REELD1: variants seen among roughly 807,000 people sequenced by gnomAD.
REELD1 encodes the protein reelin domain-containing protein 1.
A neutral mutation model predicts 6.3 loss-of-function variants in REELD1; 12 were observed. The ratio of observed to expected loss-of-function variants is 1.89; its 90% CI spans 1.21 to 3.07. REELD1 has a LOEUF of 3.07. Ranked by LOEUF, REELD1 falls within the 30% of genes most tolerant of loss-of-function variation. The pLI is 0.00. For synonymous variants in REELD1, 57 were observed against 33.6 expected, an observed-to-expected ratio of 1.70 and a Z score of -2.42; for missense variants, 163 against 86.8, an observed-to-expected ratio of 1.88 and a Z score of -3.49.
chr4:146,226,242 A>G (rs538710938), intron 5 of REELD1, among the ~76,000 whole-genome samples: 1 of 152,272 alleles, frequency 6.6e-6, no homozygotes, highest in Admixed American at 6.5e-5. Flanking sequence ...GTCTACTTTT[A>G]TATTTTAGTG....
intron 3 of REELD1, among the ~76,000 whole-genome samples, chr4:146,221,936 G>T (rs961791762): frequency 1.3e-5 from 2 of 151,654 alleles, no homozygotes; most frequent in Non-Finnish European, 2.9e-5. Context: ...ATCTTTTTAT[G>T]AATTCACCAT....
chr4:146,228,529 G>T lies in REELD1; in HGVS notation c.908+7G>T, dbSNP rs557103441. ...GCCTTAGCACCCATCACAGGTAAGG[G>T]TGATGGGTGGGCCATTCAGGACAGG... On this transcript the variant is annotated splice_region_variant and intron_variant, in intron 6 of 7. Coordinates refer to ENST00000623665, the MANE Select transcript of REELD1 (RefSeq NM_001354631.1). 3.0e-5 allele frequency: 21 copies of T among 698,906 alleles called. No homozygotes were observed. The highest frequency in any genetic ancestry group is 5.5e-5 in the Non-Finnish European group (21 of 383,042). The allele number at this position is 698,906 out of a possible 1,614,324, so 43.3% of individuals were successfully genotyped here.
chr4:146,222,420 A>G lies in REELD1; in HGVS notation c.272A>G (p.His91Arg), dbSNP rs1864372. The G allele has an allele frequency of 0.1, 40,258 of 398,528 alleles. 2,623 individuals are homozygous for G. The highest frequency in any genetic ancestry group is 0.21 in the African/African-American group (10,160 of 48,700). 24.7% of individuals were successfully genotyped at this position (398,528 alleles called of 1,614,324 possible). Residue 91 changes from histidine to arginine, a missense_variant, in exon 4 of 8, where the codon CAT becomes CGT. Physicochemically the swap from His to Arg is conservative, Grantham distance 29. Coordinates refer to ENST00000623665, the MANE Select transcript of REELD1 (RefSeq NM_001354631.1). ...FLLQARRVSD[H>R]QIAGTFVLIP... ...CTTCAGGCTCGAAGAGTGTCCGATC[A>G]TCAAATCGCTGGCACTTTCGTTCTC...
rs150899575 is a variant in REELD1 at position 146,224,506 on chromosome 4, C to T, written c.493C>T (p.Gln165Ter). Residue 165 changes from glutamine (Q) to a stop codon, truncating the protein, a stop_gained, in exon 5 of 8, where the codon CAA becomes TAA. Coordinates refer to ENST00000623665, the MANE Select transcript of REELD1 (RefSeq NM_001354631.1). LOFTEE classifies it high-confidence loss of function. ...WARIESSVVS[Q>*]QTHSSAHSDD... is the part of the protein sequence containing the mutation. ...AAGGATTGAATCATCTGTTGTGTCT[C>T]AACAGACACATAGCAGCGCCCATTC... The T allele has an allele frequency of 1.7e-4, 122 of 699,654 alleles. No individual in the cohort carries two copies. The African/African-American group carries it at 1.9e-3, about 11-fold the overall frequency. The allele number at this position is 699,654 out of a possible 1,614,324, so 43.3% of individuals were successfully genotyped here.
At chr4:146,225,890 C>T (rs1272902461) in intron 5 of REELD1, among the ~76,000 whole-genome samples, 2 of 152,118 alleles carry the variant, frequency 1.3e-5, no homozygotes, top group East Asian at 1.9e-4. Flanking sequence ...CTTCTGGCCC[C>T]AGCCTGTCTT....
At chr4:146,226,031 GTTTGTC>G (rs1366652445) in intron 5 of REELD1, among the ~76,000 whole-genome samples, 4 of 152,144 alleles carry the variant, frequency 2.6e-5, no homozygotes, top group African/African-American at 4.8e-5. Context: ...ATTCTGGGAA[GTTTGTC>G]TTTGTACAGT....
chr4:146,230,457 C>G lies in REELD1; in HGVS notation c.1525C>G (p.Gln509Glu). The G allele has an allele frequency of 2.5e-6, 1 of 398,680 alleles. No individual in the cohort carries two copies. The highest frequency in any genetic ancestry group is 4.4e-6 in the Non-Finnish European group (1 of 226,112). 24.7% of individuals were successfully genotyped at this position (398,680 alleles called of 1,614,324 possible). ...TGGGGAGAACAGTTTTGTTTTGGTT[C>G]AAGCAGAGTACAACTGGATCACTCC... is the stretch of plus-strand genomic sequence containing the variant. ...KIGENSFVLVQAEYNWITPSV... is the reference protein window; with the variant it reads ...KIGENSFVLVEAEYNWITPSV... Residue 509 changes from glutamine to glutamate, a missense_variant, in exon 8 of 8, where the codon CAA (glutamine) becomes GAA (glutamate). Transcript: ENST00000623665.
At chr4:146,223,341 A>G (rs1043282697) in intron 4 of REELD1, among the ~76,000 whole-genome samples, 1 of 151,976 alleles carries the variant, frequency 6.6e-6, no homozygotes, top group South Asian at 2.1e-4. Context: ...TGGTGGCCCT[A>G]GCTTGTGGTG....
At chr4:146,227,082 G>T (rs113572795) in intron 5 of REELD1, among the ~76,000 whole-genome samples, 3,461 of 152,336 alleles carry the variant, frequency 0.023, 49 homozygotes, top group Middle Eastern at 0.054. Flanking sequence ...ATTAATTTAG[G>T]TAGTTTGACA....
chr4:146,215,971 G>A (rs1730819311), intron 2 of REELD1, among the ~76,000 whole-genome samples: 1 of 152,094 alleles, frequency 6.6e-6, no homozygotes, highest in Non-Finnish European at 1.5e-5. Context: ...GGCTGGTCTT[G>A]AACTCCTGTG....
Position 146,222,439 on chromosome 4 carries a change from C to T in REELD1, c.291C>T (p.Phe97=), listed in dbSNP as rs528765931. 2 of 398,600 alleles carry T rather than the reference C, an allele frequency of 5.0e-6. No individual in the cohort carries two copies. The highest frequency in any genetic ancestry group is 4.4e-5 in the Admixed American group (1 of 22,734). 24.7% of individuals were successfully genotyped at this position (398,600 alleles called of 1,614,324 possible). Residue 97 remains phenylalanine, a synonymous_variant, in exon 4 of 8, where the codon TTC becomes TTT. Coordinates refer to ENST00000623665, the MANE Select transcript of REELD1 (RefSeq NM_001354631.1). The part of the protein sequence containing the change: ...RVSDHQIAGT[F]VLIPPHSKLM... ...CCGATCATCAAATCGCTGGCACTTTCGTTCTCATTCCTCCTCATTCCAAAC... is the reference window on the plus strand; with the variant it reads ...CCGATCATCAAATCGCTGGCACTTTTGTTCTCATTCCTCCTCATTCCAAAC...
At chr4:146,226,261 T>C (rs1731020012) in intron 5 of REELD1, among the ~76,000 whole-genome samples, 1 of 152,204 alleles carries the variant, frequency 6.6e-6, no homozygotes, top group South Asian at 2.1e-4. Flanking sequence ...TGCCTTCCCT[T>C]CTGACACTTC....
chr4:146,219,361 C>T (rs1578697260), intron 3 of REELD1, among the ~76,000 whole-genome samples: 1 of 152,170 alleles, frequency 6.6e-6, no homozygotes, highest in Admixed American at 6.5e-5. Flanking sequence ...TTATTACTGA[C>T]TTACGTTGCA....
intron 4 of REELD1, among the ~76,000 whole-genome samples, chr4:146,223,319 G>A (rs1730957948): frequency 6.6e-6 from 1 of 152,130 alleles, no homozygotes; most frequent in Non-Finnish European, 1.5e-5. Flanking sequence ...GGGGAGCAGT[G>A]GGAGAGGAGG....
chr4:146,223,923 G>A (rs1276931629), intron 4 of REELD1, among the ~76,000 whole-genome samples: 1 of 152,210 alleles, frequency 6.6e-6, no homozygotes, highest in Non-Finnish European at 1.5e-5. Flanking sequence ...AGAACAAATG[G>A]CATAATGTTT....
intron 3 of REELD1, among the ~76,000 whole-genome samples, chr4:146,221,382 A>G (rs1328094865): frequency 6.6e-6 from 1 of 152,198 alleles, no homozygotes; most frequent in Non-Finnish European, 1.5e-5. Context: ...GGGTAACTGC[A>G]TTTTAAATGT....
At chr4:146,225,011 T>C (rs1452666876) in intron 5 of REELD1, among the ~76,000 whole-genome samples, 1 of 152,238 alleles carries the variant, frequency 6.6e-6, no homozygotes, top group Admixed American at 6.5e-5. Flanking sequence ...CTTTTCTTCG[T>C]CTTTTCTCAT....
intron 3 of REELD1, among the ~76,000 whole-genome samples, chr4:146,219,231 T>C (rs903913708): frequency 6.6e-6 from 1 of 152,166 alleles, no homozygotes; most frequent in Non-Finnish European, 1.5e-5. Context: ...ACTAAAAATA[T>C]TGTGATACCT....
Position 146,221,080 on chromosome 4 carries a change from A to G in REELD1, c.209-1277A>G, listed in dbSNP as rs147342029. Among the ~76,000 whole-genome samples, 5 of 152,326 alleles carry G rather than the reference A, an allele frequency of 3.3e-5. No homozygotes were observed. In the East Asian group the frequency reaches 9.6e-4, roughly 29 times the overall value. On this transcript the variant is annotated intron_variant, in intron 3 of 7. Coordinates refer to ENST00000623665, the MANE Select transcript of REELD1 (RefSeq NM_001354631.1). ...TTTATAAACATATATCATAAACTTT[A>G]CCATTATAGCTGTACAGAGCTCAGT...
Sources: gnomAD v4.1 joint callset for allele counts (sites outside exome capture counted in the v4.1 genomes callset) on GRCh38, gnomAD v4.1.1 for gene constraint, MANE v1.5 for transcripts, NCBI Gene and HGNC (gene_info 2026-07-23, HGNC 2026-07-21) for gene names.